The following LMLN variants were observed in gnomAD, a reference collection of about 807,000 sequenced individuals.
LMLN encodes leishmanolysin-like peptidase.
A neutral mutation model predicts 92.3 loss-of-function variants in LMLN; 70 were observed. The ratio of observed to expected loss-of-function variants is 0.76; its 90% CI spans 0.63 to 0.92. The LOEUF is 0.92. LMLN is among the 40% of genes least tolerant of loss of function. The pLI is 0.00. For synonymous variants in LMLN, 308 were observed against 296.2 expected (o/e 1.04, Z -0.41); for missense variants, 691 against 814.6 (o/e 0.85, Z 1.85).
chr3:198,013,973 T>C (rs531977111), intron 11 of LMLN, among the ~76,000 whole-genome samples: 1,494 of 138,672 alleles, frequency 0.011, 32 homozygotes, highest in Non-Finnish European at 0.015. Context: ...CTAGTCTGAC[T>C]TCTCTCCACC....
intron 11 of LMLN, among the ~76,000 whole-genome samples, chr3:198,016,010 G>A (rs1324267927): frequency 6.6e-6 from 1 of 151,864 alleles, no homozygotes; most frequent in Non-Finnish European, 1.5e-5. Context: ...ACCAGACTGG[G>A]CAACATGACC....
intron 14 of LMLN, 145 bp downstream of exon 15, chr3:198,024,933 G>A (rs182213314): frequency 3.5e-6 from 2 of 573,198 alleles, no homozygotes; most frequent in Non-Finnish European, 5.3e-6. Context: ...TATTAGTTTG[G>A]ATGCTTATGT....
intron 14 of LMLN, among the ~76,000 whole-genome samples, chr3:198,033,762 T>C (rs780872345): frequency 6.6e-6 from 1 of 152,236 alleles, no homozygotes; most frequent in East Asian, 1.9e-4. Flanking sequence ...GGGCAGGCAC[T>C]GTATTGTGTA....
At chr3:197,989,258 C>T (rs1721800048) in intron 8 of LMLN, among the ~76,000 whole-genome samples, 1 of 152,146 alleles carries the variant, frequency 6.6e-6, no homozygotes, top group African/African-American at 2.4e-5. Flanking sequence ...TGAATAAATG[C>T]TTTCTGCATT....
intron 10 of LMLN, 65 bp from the exon 11 acceptor site, chr3:197,999,201 A>G (rs1722105953): frequency 2.7e-6 from 3 of 1,099,168 alleles, no homozygotes; most frequent in Non-Finnish European, 4.2e-6. Context: ...ATATCAGAGG[A>G]ATTGCAGAAA....
chr3:198,002,246 G>A (rs1280039781), intron 11 of LMLN, among the ~76,000 whole-genome samples: 1 of 151,996 alleles, frequency 6.6e-6, no homozygotes, highest in East Asian at 1.9e-4. Flanking sequence ...TGCCACTTCA[G>A]CCTCTCAGGT....
intron 8 of LMLN, among the ~76,000 whole-genome samples, 192 bp from the exon 9 acceptor site, chr3:197,990,367 A>T (rs1440649234): frequency 6.6e-6 from 1 of 152,114 alleles, no homozygotes; most frequent in Non-Finnish European, 1.5e-5. Context: ...CCAACCAAAA[A>T]ATTAAATTTA....
intron 11 of LMLN, among the ~76,000 whole-genome samples, chr3:198,002,248 C>T (rs1212289015): frequency 6.6e-6 from 1 of 152,076 alleles, no homozygotes; most frequent in African/African-American, 2.4e-5. Flanking sequence ...CCACTTCAGC[C>T]TCTCAGGTAA....
intron 11 of LMLN, among the ~76,000 whole-genome samples, chr3:198,015,287 G>A (rs1368048870): frequency 3.2e-4 from 25 of 78,446 alleles, no homozygotes; most frequent in Non-Finnish European, 5.3e-4. Context: ...ACCCTTCAGA[G>A]CCCCCTAACT....
At chr3:198,024,728 C>T (rs754941152) in exon 14 of LMLN, 12 of 1,612,040 alleles carry the variant, frequency 7.4e-6, no homozygotes, top group Middle Eastern at 1.6e-4. Context: ...AATCAGCATT[C>T]GTTATGGAGA....
intron 14 of LMLN, among the ~76,000 whole-genome samples, chr3:198,029,723 T>C (rs1179971496): frequency 6.6e-6 from 1 of 152,144 alleles, no homozygotes; most frequent in Non-Finnish European, 1.5e-5. Context: ...GCCTCTGTTA[T>C]TACTTCCCTA....
chr3:198,040,994 C>T (rs1723389175), exon 16 of LMLN: 1 of 152,528 alleles, frequency 6.6e-6, no homozygotes, highest in South Asian at 2.1e-4. Context: ...TCCTTCTGTT[C>T]CTCCTTTCCT....
At chr3:197,992,943 A>G (rs1721916942) in intron 9 of LMLN, among the ~76,000 whole-genome samples, 1 of 152,212 alleles carries the variant, frequency 6.6e-6, no homozygotes, top group African/African-American at 2.4e-5. Context: ...ATCATGATCA[A>G]GTGAGATTTA....
chr3:197,994,370 A>G (rs921536808), intron 9 of LMLN, among the ~76,000 whole-genome samples: 3 of 152,222 alleles, frequency 2.0e-5, no homozygotes, highest in Non-Finnish European at 4.4e-5. Context: ...TACATCAGAA[A>G]AGGCGTTAAT....
intron 11 of LMLN, among the ~76,000 whole-genome samples, chr3:198,005,572 G>T (rs1331641889): frequency 6.6e-6 from 1 of 151,772 alleles, no homozygotes; most frequent in Admixed American, 6.6e-5. Flanking sequence ...AAGAAGAAAA[G>T]TGCCCATGTT....
At chr3:197,990,411 CTTTG>C (rs1185509156) in intron 8 of LMLN, 144 bp from the exon 9 acceptor site, 6 of 452,740 alleles carry the variant, frequency 1.3e-5, no homozygotes, top group Admixed American at 3.5e-5. Context: ...TTATCAAGTA[CTTTG>C]TTTGGACTTG....
chr3:198,014,757 C>G (rs578156423), intron 11 of LMLN, among the ~76,000 whole-genome samples: 2,091 of 136,144 alleles, frequency 0.015, 25 homozygotes, highest in Middle Eastern at 0.032. Flanking sequence ...TGACTTCTCT[C>G]CACCCTTCAG....
At chr3:198,000,777 C>G (rs1031099475) in intron 11 of LMLN, among the ~76,000 whole-genome samples, 1 of 152,120 alleles carries the variant, frequency 6.6e-6, no homozygotes, top group Non-Finnish European at 1.5e-5. Flanking sequence ...CTGTAAAGCT[C>G]TTAGTACAGC....
At chr3:198,006,871 T>A (rs1447872746) in intron 11 of LMLN, among the ~76,000 whole-genome samples, 4 of 152,064 alleles carry the variant, frequency 2.6e-5, no homozygotes, top group Non-Finnish European at 4.4e-5. Context: ...TACCACTATG[T>A]CTGGCTAATT....
Sources: allele counts gnomAD v4.1 joint callset (sites outside exome capture counted in the v4.1 genomes callset), GRCh38; gene constraint gnomAD v4.1.1; transcripts MANE v1.5; gene names NCBI Gene and HGNC (gene_info 2026-07-23, HGNC 2026-07-21).